The following UBE3D variants were observed in gnomAD, a reference collection of about 807,000 sequenced individuals.
UBE3D encodes ubiquitin protein ligase E3D, also known as E3 ubiquitin-protein ligase E3D.
In UBE3D, 48 loss-of-function variants were observed where a neutral mutation model predicts 49.6. That is an observed-to-expected ratio of 0.97 (90% confidence interval 0.77 to 1.23). The LOEUF (loss-of-function observed/expected upper bound fraction) is 1.23. Ranked by LOEUF, UBE3D falls within the 50% of genes most tolerant of loss-of-function variation. The pLI, the probability that UBE3D is intolerant of heterozygous loss-of-function variation, is 0.00. For missense variants in UBE3D, 452 were observed against 468.4 expected, an observed-to-expected ratio of 0.96 and a Z score of 0.32; for synonymous variants, 189 against 174.2, an observed-to-expected ratio of 1.08 and a Z score of -0.67.
intron 8 of UBE3D, among the ~76,000 whole-genome samples, chr6:82,984,356 G>A (rs1357755943): frequency 6.6e-6 from 1 of 152,094 alleles, no homozygotes; most frequent in East Asian, 1.9e-4. Context: ...TACAAATAGT[G>A]CTCAAATTAA....
chr6:82,907,347 C>T (rs966032088), intron 9 of UBE3D, among the ~76,000 whole-genome samples: 4 of 152,158 alleles, frequency 2.6e-5, no homozygotes, highest in Non-Finnish European at 5.9e-5. Context: ...AAAATACTCT[C>T]TAAACTCACA....
At chr6:83,026,370 G>C (rs1209450112) in intron 5 of UBE3D, among the ~76,000 whole-genome samples, 1 of 152,106 alleles carries the variant, frequency 6.6e-6, no homozygotes, top group African/African-American at 2.4e-5. Context: ...AGGACTGTTT[G>C]AGCCCAGAAG....
intron 9 of UBE3D, among the ~76,000 whole-genome samples, chr6:82,913,519 T>C (rs920192790): frequency 6.6e-6 from 1 of 152,224 alleles, no homozygotes; most frequent in Non-Finnish European, 1.5e-5. Flanking sequence ...ATTATCTCCA[T>C]AGATGCCCCT....
chr6:82,922,684 A>G (rs1773436419), intron 9 of UBE3D, among the ~76,000 whole-genome samples: 1 of 73,046 alleles, frequency 1.4e-5, no homozygotes, highest in Non-Finnish European at 3.2e-5. Context: ...AAACACCAAA[A>G]GCAATGGCAA....
chr6:82,937,812 C>T (rs1356151244), intron 9 of UBE3D, among the ~76,000 whole-genome samples: 3 of 152,098 alleles, frequency 2.0e-5, no homozygotes, highest in South Asian at 2.1e-4. Context: ...AACAGCCCTT[C>T]GGACAGGGTT....
intron 5 of UBE3D, among the ~76,000 whole-genome samples, chr6:83,035,575 A>G (rs1487442424): frequency 2.6e-5 from 4 of 152,204 alleles, no homozygotes. Context: ...AAGAAGTTCA[A>G]TGCTATTCTA....
At chr6:83,062,090 T>C (rs1425496217) in intron 1 of UBE3D, among the ~76,000 whole-genome samples, 3 of 152,156 alleles carry the variant, frequency 2.0e-5, no homozygotes, top group Admixed American at 1.3e-4. Context: ...TTATTTTGTA[T>C]ATTCTCTGCC....
At position 83,046,675 on chromosome 6, in the gene UBE3D, G is replaced by GGC. The variant is rs1554211647; in HGVS notation, c.366-2017_366-2016insGC. Reference sequence around the variant, plus strand: ...GGTTCTAAATTCTTGCAGTTGGCGGGGGGGGTGGGCGGTGGCACCGGGGGA... The same window carrying GGC: ...GGTTCTAAATTCTTGCAGTTGGCGGGGCGGGGGTGGGCGGTGGCACCGGGGGA... On this transcript the variant is annotated intron_variant, in intron 3 of 9. Coordinates refer to ENST00000369747, the MANE Select transcript of UBE3D (RefSeq NM_198920.3). Among the ~76,000 whole-genome samples, 15 of 139,080 alleles carry GGC rather than the reference G, an allele frequency of 1.1e-4. 1 individual carries two copies. The highest frequency in any genetic ancestry group is 4.4e-4 in the East Asian group (2 of 4,508). 91.2% of individuals were successfully genotyped at this position (139,080 alleles called of 152,430 possible). A position where few individuals can be genotyped will look rare whatever the true frequency, so the allele number is the denominator to read the frequency against.
chr6:82,937,608 A>G (rs959487131), intron 9 of UBE3D, among the ~76,000 whole-genome samples: 1 of 152,220 alleles, frequency 6.6e-6, no homozygotes, highest in African/African-American at 2.4e-5. Context: ...TGGAGTAACT[A>G]TACTTATAAG....
At chr6:82,962,045 G>C (rs1388354767) in intron 8 of UBE3D, among the ~76,000 whole-genome samples, 1 of 151,690 alleles carries the variant, frequency 6.6e-6, no homozygotes, top group Non-Finnish European at 1.5e-5. Flanking sequence ...AGGAAAGGTA[G>C]TAAGATAGAC....
At chr6:82,887,769 G>T (rs1770915990), downstream of UBE3D, among the ~76,000 whole-genome samples, 1 of 151,912 alleles carries the variant, frequency 6.6e-6, no homozygotes, top group South Asian at 2.1e-4. Flanking sequence ...AGTCCAATAT[G>T]TACTACTATG....
At chr6:83,031,824 T>C (rs1370393256) in intron 5 of UBE3D, among the ~76,000 whole-genome samples, 1 of 152,166 alleles carries the variant, frequency 6.6e-6, no homozygotes, top group Non-Finnish European at 1.5e-5. Flanking sequence ...GCACTAGCCA[T>C]GGCTAAAAGG....
chr6:83,052,988 G>GA (rs966382742), intron 3 of UBE3D, among the ~76,000 whole-genome samples: 1 of 152,200 alleles, frequency 6.6e-6, no homozygotes, highest in Non-Finnish European at 1.5e-5. Flanking sequence ...ATGCTATGAA[G>GA]AAAGTAGCAA....
chr6:82,945,378 T>G (rs1430765061), intron 9 of UBE3D, among the ~76,000 whole-genome samples: 1 of 152,206 alleles, frequency 6.6e-6, no homozygotes, highest in African/African-American at 2.4e-5. Context: ...TCCAGAGAAG[T>G]ATTCTGGATC....
intron 8 of UBE3D, among the ~76,000 whole-genome samples, chr6:82,961,982 T>C (rs1776588274): frequency 2.6e-5 from 2 of 76,830 alleles, no homozygotes; most frequent in African/African-American, 7.6e-5. Flanking sequence ...TGCTAATTTA[T>C]TTTTTATACG....
At chr6:82,916,794 T>G (rs1281692277) in intron 9 of UBE3D, among the ~76,000 whole-genome samples, 1 of 152,244 alleles carries the variant, frequency 6.6e-6, no homozygotes, top group Non-Finnish European at 1.5e-5. Context: ...TACAATCACT[T>G]TCTGATACGG....
chr6:83,029,485 C>A (rs1781715536), intron 5 of UBE3D, among the ~76,000 whole-genome samples: 1 of 152,096 alleles, frequency 6.6e-6, no homozygotes, highest in African/African-American at 2.4e-5. Flanking sequence ...GATTTGCTAT[C>A]TGTTCAAAGC....
intron 9 of UBE3D, among the ~76,000 whole-genome samples, chr6:82,945,878 A>G (rs558945284): frequency 6.6e-6 from 1 of 152,210 alleles, no homozygotes; most frequent in African/African-American, 2.4e-5. Flanking sequence ...CTTACACACT[A>G]AAGATTGAAT....
At chr6:82,882,979 G>T in the UBE3D span, among the ~76,000 whole-genome samples, 1 of 152,110 alleles carries the variant, frequency 6.6e-6, no homozygotes, top group African/African-American at 2.4e-5. Context: ...GAATTAATAA[G>T]AGATAAATGG....
Sources: allele counts gnomAD v4.1 joint callset (sites outside exome capture counted in the v4.1 genomes callset), GRCh38; gene constraint gnomAD v4.1.1; transcripts MANE v1.5; gene names NCBI Gene and HGNC (gene_info 2026-07-23, HGNC 2026-07-21).